NRXN1: variants seen among roughly 807,000 people sequenced by gnomAD.
The protein encoded by NRXN1 is neurexin-1.
NRXN1 carries 39 observed loss-of-function variants against 150.9 expected under a neutral mutation model. The ratio of observed to expected loss-of-function variants is 0.26; its 90% CI spans 0.20 to 0.34. The LOEUF (loss-of-function observed/expected upper bound fraction) is 0.34, where lower values mean the gene tolerates loss of function less well. Ranked by LOEUF, NRXN1 falls within the 10% of genes least tolerant of loss-of-function variation. The pLI is 1.00. For synonymous variants in NRXN1, 924 were observed against 757.0 expected (o/e 1.22, Z -3.62); for missense variants, 1,815 against 1,949.9 (o/e 0.93, Z 1.30).
intron 17 of NRXN1, among the ~76,000 whole-genome samples, chr2:50,456,532 G>C (rs1036796375): frequency 1.3e-5 from 2 of 152,094 alleles, no homozygotes; most frequent in African/African-American, 4.8e-5. Context: ...TCTCATTAAA[G>C]ACACAGAATG....
At chr2:50,937,648 T>G (rs1473949878) in intron 2 of NRXN1, among the ~76,000 whole-genome samples, 1 of 152,128 alleles carries the variant, frequency 6.6e-6, no homozygotes, top group Non-Finnish European at 1.5e-5. Context: ...AAGTAGATGA[T>G]GATGATGATG....
At chr2:50,981,067 C>T (rs887161981) in intron 2 of NRXN1, among the ~76,000 whole-genome samples, 1 of 152,174 alleles carries the variant, frequency 6.6e-6, no homozygotes, top group Non-Finnish European at 1.5e-5. Flanking sequence ...TCTGTGATCA[C>T]CTATAATGTA....
intron 21 of NRXN1, among the ~76,000 whole-genome samples, chr2:49,993,378 C>T (rs537683107): frequency 6.6e-6 from 1 of 152,202 alleles, no homozygotes; most frequent in East Asian, 1.9e-4. Context: ...AGAGACAGTA[C>T]AAAGTTCACT....
intron 2 of NRXN1, among the ~76,000 whole-genome samples, chr2:50,939,524 G>A (rs1689089301): frequency 6.6e-6 from 1 of 151,904 alleles, no homozygotes; most frequent in Non-Finnish European, 1.5e-5. Flanking sequence ...AACACAATTA[G>A]ATTACTGACA....
chr2:50,577,299 T>C (rs1671583872), intron 8 of NRXN1, among the ~76,000 whole-genome samples: 1 of 152,032 alleles, frequency 6.6e-6, no homozygotes, highest in Non-Finnish European at 1.5e-5. Context: ...GTTGTTAATC[T>C]GTAAATATAA....
chr2:51,017,975 AG>A (rs909878787), intron 2 of NRXN1, among the ~76,000 whole-genome samples: 7 of 152,092 alleles, frequency 4.6e-5, no homozygotes, highest in African/African-American at 1.4e-4. Context: ...ACCATTACTT[AG>A]AAGAAAAAAC....
At chr2:51,007,197 T>C (rs879599214) in intron 2 of NRXN1, among the ~76,000 whole-genome samples, 3 of 152,094 alleles carry the variant, frequency 2.0e-5, no homozygotes, top group South Asian at 4.1e-4. Context: ...CCATATGCAA[T>C]TGGACATGTT....
intron 21 of NRXN1, among the ~76,000 whole-genome samples, chr2:50,039,045 C>T (rs1324164930): frequency 1.3e-5 from 2 of 151,638 alleles, no homozygotes; most frequent in African/African-American, 4.8e-5. Flanking sequence ...AGTGTGGTGG[C>T]GGGTGCCTGT....
In NRXN1 at chr2:50,658,733, T is replaced by C. The variant is rs143819188; in HGVS notation, c.833-35118A>G. ...AAATGCAGTTTTGCCAGATTCCACATCCAAAATTAACATCATTTCCTCTTT... is the reference window on the plus strand; with the variant it reads ...AAATGCAGTTTTGCCAGATTCCACACCCAAAATTAACATCATTTCCTCTTT... On this transcript the variant is annotated intron_variant, in intron 5 of 22. Transcript: ENST00000401669. 7.2e-5 allele frequency among the ~76,000 whole-genome samples: 11 copies of C among 152,046 alleles called. No homozygotes were observed. In the East Asian group the frequency reaches 2.2e-3, roughly 30 times the overall value.
intron 5 of NRXN1, among the ~76,000 whole-genome samples, chr2:50,732,541 T>C (rs1270817740): frequency 6.6e-6 from 1 of 152,146 alleles, no homozygotes; most frequent in Non-Finnish European, 1.5e-5. Flanking sequence ...TGCACTTGTT[T>C]TCAATTACAG....
intron 18 of NRXN1, among the ~76,000 whole-genome samples, chr2:50,128,054 A>G (rs747346779): frequency 6.6e-6 from 1 of 152,170 alleles, no homozygotes; most frequent in Non-Finnish European, 1.5e-5. Context: ...TTCAATATTT[A>G]AAACAGCTGA....
intron 2 of NRXN1, among the ~76,000 whole-genome samples, chr2:50,929,867 T>A (rs1416508197): frequency 6.6e-6 from 1 of 152,030 alleles, no homozygotes; most frequent in Admixed American, 6.6e-5. Context: ...TTAAAAAACC[T>A]CAATAGTCTG....
chr2:50,877,073 T>G (rs1008331930), intron 5 of NRXN1, among the ~76,000 whole-genome samples: 7 of 151,854 alleles, frequency 4.6e-5, no homozygotes, highest in Non-Finnish European at 1.0e-4. Flanking sequence ...GTCTCTTTCT[T>G]CCTGTTAAAA....
chr2:50,536,634 T>C (rs958992197), intron 10 of NRXN1, among the ~76,000 whole-genome samples: 1 of 152,166 alleles, frequency 6.6e-6, no homozygotes, highest in African/African-American at 2.4e-5. Context: ...TCAGAACAAC[T>C]GGCAGCTCTC....
intron 5 of NRXN1, among the ~76,000 whole-genome samples, chr2:50,684,680 T>C (rs1178426203): frequency 4.6e-5 from 7 of 152,138 alleles, no homozygotes; most frequent in Non-Finnish European, 2.9e-5. Context: ...AGCAACTGCA[T>C]GGATTATTTA....
intron 5 of NRXN1, among the ~76,000 whole-genome samples, chr2:50,753,815 G>C (rs1221304799): frequency 6.6e-6 from 1 of 151,768 alleles, no homozygotes. Flanking sequence ...CCCTAAGTGA[G>C]AGAATTTTTT....
At chr2:50,648,607 C>A (rs912967636) in intron 5 of NRXN1, among the ~76,000 whole-genome samples, 1 of 151,916 alleles carries the variant, frequency 6.6e-6, no homozygotes, top group African/African-American at 2.4e-5. Context: ...CCAGACATAC[C>A]AGAAAAATAT....
chr2:50,601,159 C>T (rs953075127), intron 8 of NRXN1, among the ~76,000 whole-genome samples: 6 of 151,992 alleles, frequency 3.9e-5, no homozygotes, highest in African/African-American at 1.4e-4. Context: ...GGTTTATTTC[C>T]CTAAACAGTA....
intron 5 of NRXN1, among the ~76,000 whole-genome samples, chr2:50,820,522 T>C (rs1388035192): frequency 6.6e-6 from 1 of 152,150 alleles, no homozygotes; most frequent in African/African-American, 2.4e-5. Flanking sequence ...ATTTAACTTT[T>C]TGAACAGATA....
Sources: allele counts gnomAD v4.1 joint callset (sites outside exome capture counted in the v4.1 genomes callset), GRCh38; gene constraint gnomAD v4.1.1; transcripts MANE v1.5; gene names NCBI Gene and HGNC (gene_info 2026-07-23, HGNC 2026-07-21).